FBXL17: variants seen among roughly 807,000 people sequenced by gnomAD.
FBXL17 encodes F-box/LRR-repeat protein 17.
A neutral mutation model predicts 66.2 loss-of-function variants in FBXL17; 22 were observed. The observed-to-expected ratio is 0.33, with a 90% confidence interval of 0.24 to 0.47. The LOEUF is 0.47. Among genes scored for constraint, FBXL17 ranks in the 20% least tolerant of loss-of-function variants. The pLI, the probability that FBXL17 is intolerant of heterozygous loss-of-function variation, is 1.00. For synonymous variants in FBXL17, 474 were observed against 400.5 expected (o/e 1.18, Z -2.19); for missense variants, 878 against 948.2 (o/e 0.93, Z 0.97).
At chr5:108,372,945 A>C (rs1749139206) in intron 1 of FBXL17, among the ~76,000 whole-genome samples, 1 of 152,006 alleles carries the variant, frequency 6.6e-6, no homozygotes, top group Non-Finnish European at 1.5e-5. Flanking sequence ...ACTACATAAA[A>C]CAGTAATTAT....
chr5:108,308,226 T>C (rs562435229), intron 4 of FBXL17, among the ~76,000 whole-genome samples: 1 of 151,160 alleles, frequency 6.6e-6, no homozygotes, highest in Non-Finnish European at 1.5e-5. Context: ...ATAACAATGG[T>C]AGTAGTAAAA....
intron 6 of FBXL17, among the ~76,000 whole-genome samples, chr5:108,156,801 A>T (rs1479372480): frequency 2.6e-5 from 4 of 151,844 alleles, no homozygotes; most frequent in Non-Finnish European, 5.9e-5. Flanking sequence ...GAGCAATTAA[A>T]CTCGTGCTCT....
At chr5:108,133,576 T>C (rs899038902) in intron 6 of FBXL17, among the ~76,000 whole-genome samples, 1 of 151,432 alleles carries the variant, frequency 6.6e-6, no homozygotes, top group Admixed American at 6.6e-5. Flanking sequence ...GTGCCTACCA[T>C]GATGACAGGA....
intron 4 of FBXL17, among the ~76,000 whole-genome samples, chr5:108,285,622 A>T (rs1162121666): frequency 6.6e-6 from 1 of 151,802 alleles, no homozygotes; most frequent in Admixed American, 6.6e-5. Flanking sequence ...TCTGAGCAAT[A>T]GGTCTCAAAA....
intron 7 of FBXL17, among the ~76,000 whole-genome samples, chr5:108,006,598 A>C (rs1336821611): frequency 6.6e-6 from 1 of 152,252 alleles, no homozygotes; most frequent in Non-Finnish European, 1.5e-5. Flanking sequence ...TACATTAGCC[A>C]GTGCAGGGAT....
intron 4 of FBXL17, among the ~76,000 whole-genome samples, chr5:108,307,919 A>G (rs1206865957): frequency 6.6e-6 from 1 of 152,168 alleles, no homozygotes; most frequent in Non-Finnish European, 1.5e-5. Flanking sequence ...ATCTATGTGT[A>G]TATGTAATAC....
At chr5:108,207,445 C>T (rs910637988) in intron 5 of FBXL17, among the ~76,000 whole-genome samples, 1 of 152,108 alleles carries the variant, frequency 6.6e-6, no homozygotes, top group Admixed American at 6.5e-5. Flanking sequence ...CCATCACCTA[C>T]ATTAGGTATT....
At chr5:108,370,584 A>T (rs1748965248) in intron 1 of FBXL17, among the ~76,000 whole-genome samples, 1 of 152,086 alleles carries the variant, frequency 6.6e-6, no homozygotes, top group Non-Finnish European at 1.5e-5. Context: ...CTCTACTAAA[A>T]ATACAAAAAT....
intron 4 of FBXL17, among the ~76,000 whole-genome samples, chr5:108,251,592 G>C (rs745445291): frequency 6.6e-6 from 1 of 152,014 alleles, no homozygotes; most frequent in Non-Finnish European, 1.5e-5. Context: ...ACTGAGCCAA[G>C]AGAAGTTGGC....
intron 1 of FBXL17, among the ~76,000 whole-genome samples, chr5:108,379,167 C>T (rs1314671000): frequency 6.6e-6 from 1 of 151,548 alleles, no homozygotes; most frequent in African/African-American, 2.4e-5. Context: ...TTTTTTTTCT[C>T]GGCATTAAAA....
chr5:108,035,322 A>G (rs1384269392), intron 6 of FBXL17, among the ~76,000 whole-genome samples: 2 of 152,166 alleles, frequency 1.3e-5, no homozygotes, highest in Non-Finnish European at 2.9e-5. Context: ...TTATAAAAAG[A>G]CATTCAGAAT....
rs567931542 is a variant in FBXL17, at chr5:108,268,175, T to C, written c.1507-43947A>G. Among the ~76,000 whole-genome samples, 4 of 152,084 alleles carry C rather than the reference T, an allele frequency of 2.6e-5. No individual in the cohort carries two copies. In the South Asian group the frequency reaches 8.3e-4, roughly 32 times the overall value. On this transcript the variant is annotated intron_variant, in intron 4 of 8. Coordinates refer to ENST00000542267, the MANE Select transcript of FBXL17 (RefSeq NM_001163315.3). ...AATAAAGGGAAATTAAAGAGCTACA[T>C]GATCCATAAAGTGGATATTCAACTC...
chr5:107,968,549 C>T (rs938008000), intron 7 of FBXL17, among the ~76,000 whole-genome samples: 5 of 151,926 alleles, frequency 3.3e-5, no homozygotes, highest in East Asian at 3.9e-4. Context: ...AAACTATGCC[C>T]ATGAAAATGT....
At chr5:108,077,475 G>A (rs537262197) in intron 6 of FBXL17, among the ~76,000 whole-genome samples, 1 of 152,122 alleles carries the variant, frequency 6.6e-6, no homozygotes, top group East Asian at 1.9e-4. Context: ...ACCAGCCTAG[G>A]TAACAAATGA....
At chr5:108,009,308 T>TATAC in intron 7 of FBXL17, among the ~76,000 whole-genome samples, 1 of 42,220 alleles carries the variant, frequency 2.4e-5, no homozygotes, top group Non-Finnish European at 4.7e-5. Flanking sequence ...TATACATATA[T>TATAC]ACATACACAT....
chr5:108,090,207 TA>T (rs1245415676), intron 6 of FBXL17, among the ~76,000 whole-genome samples: 1 of 152,186 alleles, frequency 6.6e-6, no homozygotes, highest in Non-Finnish European at 1.5e-5. Flanking sequence ...ATAATCTGAG[TA>T]GATAAAATCT....
intron 6 of FBXL17, among the ~76,000 whole-genome samples, chr5:108,100,742 G>A (rs1198490390): frequency 6.6e-6 from 1 of 152,078 alleles, no homozygotes; most frequent in East Asian, 1.9e-4. Context: ...TTTTTGTTCT[G>A]TTTTTAAGAG....
In FBXL17 at chr5:107,994,669, C is replaced by T. The variant is rs143170011; in HGVS notation, c.1822+26256G>A. Among the ~76,000 whole-genome samples, 397 of 152,116 alleles carry T rather than the reference C, an allele frequency of 2.6e-3. 3 individuals are homozygous for T. Among genetic ancestry groups the T allele is most frequent in the African/African-American group, 8.6e-3 (355 of 41,488 alleles). ...CCTGGTCAAGATGGTGAAACCCCAT[C>T]TCTACCAAAAATACAAAACTTAGCC... On this transcript the variant is annotated intron_variant, in intron 7 of 8. Coordinates refer to ENST00000542267, the MANE Select transcript of FBXL17 (RefSeq NM_001163315.3).
At chr5:108,345,240 G>A (rs1223318774) in intron 4 of FBXL17, among the ~76,000 whole-genome samples, 1 of 151,968 alleles carries the variant, frequency 6.6e-6, no homozygotes, top group African/African-American at 2.4e-5. Context: ...AGGAGGCTGA[G>A]GCAGGAGAAT....
Sources: allele counts gnomAD v4.1 joint callset (sites outside exome capture counted in the v4.1 genomes callset), GRCh38; gene constraint gnomAD v4.1.1; transcripts MANE v1.5; gene names NCBI Gene and HGNC (gene_info 2026-07-23, HGNC 2026-07-21).